Variants in BOLA3 observed in about 807,000 individuals in gnomAD.
The protein encoded by BOLA3 is bolA family member 3, also known as bolA-like protein 3.
In BOLA3, 8 loss-of-function variants were observed where a neutral mutation model predicts 14.5. The observed-to-expected ratio is 0.55, with a 90% confidence interval of 0.32 to 0.99. The LOEUF (loss-of-function observed/expected upper bound fraction) is 0.99, where lower values mean the gene tolerates loss of function less well. Ranked by LOEUF, BOLA3 falls within the 50% of genes least tolerant of loss-of-function variation. The pLI, the probability that BOLA3 is intolerant of heterozygous loss-of-function variation, is 0.04. For missense variants in BOLA3, 115 were observed against 138.2 expected, an observed-to-expected ratio of 0.83 and a Z score of 0.84; for synonymous variants, 42 against 45.7, an observed-to-expected ratio of 0.92 and a Z score of 0.33.
intron 3 of BOLA3, among the ~76,000 whole-genome samples, chr2:74,140,228 G>A (rs966446873): frequency 6.6e-6 from 1 of 152,178 alleles, no homozygotes; most frequent in Non-Finnish European, 1.5e-5. Flanking sequence ...AGGTTGCAGT[G>A]AGCCGAGATA....
intron 1 of BOLA3, 93 bp downstream of exon 1, chr2:74,147,728 G>A (rs969577119): frequency 9.9e-5 from 130 of 1,312,030 alleles, no homozygotes; most frequent in Non-Finnish European, 1.3e-4. Context: ...CGCCCTCCGG[G>A]AGCCAGTCCT....
chr2:74,147,224 G>A (rs1217412369), intron 1 of BOLA3: 1 of 153,414 alleles, frequency 6.5e-6, no homozygotes, highest in African/African-American at 2.4e-5. Flanking sequence ...CGCAGTGGAA[G>A]AACTTCTCTT....
intron 2 of BOLA3, among the ~76,000 whole-genome samples, chr2:74,144,395 A>G (rs1197354481): frequency 6.6e-6 from 1 of 152,220 alleles, no homozygotes; most frequent in African/African-American, 2.4e-5. Flanking sequence ...TGGAAATGTT[A>G]TGTTCTCAGT....
chr2:74,135,742 G>A, intron 3 of BOLA3, 84 bp from the exon 4 acceptor site: 1 of 1,019,986 alleles, frequency 9.8e-7, no homozygotes, highest in Non-Finnish European at 1.5e-6. Flanking sequence ...ATACAGCTCT[G>A]CATCTGAAGG....
At chr2:74,147,414 T>C in intron 1 of BOLA3, 1 of 276,140 alleles carries the variant, frequency 3.6e-6, no homozygotes, top group Non-Finnish European at 6.9e-6. Context: ...AGGATCAAGG[T>C]CAGAGGCCCA....
At chr2:74,143,753 C>A (rs1692490021) in intron 2 of BOLA3, among the ~76,000 whole-genome samples, 2 of 151,972 alleles carry the variant, frequency 1.3e-5, no homozygotes, top group South Asian at 4.1e-4. Flanking sequence ...GTGGTGCAAT[C>A]TCAGCTCACT....
chr2:74,138,665 C>T (rs1157238543), intron 3 of BOLA3, among the ~76,000 whole-genome samples: 1 of 152,208 alleles, frequency 6.6e-6, no homozygotes, highest in Non-Finnish European at 1.5e-5. Context: ...GGATTCTGGG[C>T]AACCAGGGGA....
At chr2:74,146,430 T>A (rs1224067451) in intron 1 of BOLA3, 1 of 152,394 alleles carries the variant, frequency 6.6e-6, no homozygotes, top group Non-Finnish European at 1.5e-5. Context: ...AGGCCTTGAA[T>A]GCCAGGCTAA....
At chr2:74,147,065 C>G (rs1002340956) in intron 1 of BOLA3, 1 of 152,354 alleles carries the variant, frequency 6.6e-6, no homozygotes, top group Non-Finnish European at 1.5e-5. Flanking sequence ...AGATGGCAGA[C>G]AGAATCGGCA....
chr2:74,145,144 C>G lies in BOLA3; in HGVS notation c.169+45G>C. The G allele has an allele frequency of 2.6e-6, 3 of 1,154,610 alleles. No homozygotes were observed. In the East Asian group the frequency reaches 7.0e-5, roughly 27 times the overall value. 71.5% of individuals were successfully genotyped at this position (1,154,610 alleles called of 1,614,324 possible). On this transcript the variant is annotated intron_variant, in intron 2 of 3. Coordinates refer to ENST00000327428, the MANE Select transcript of BOLA3 (RefSeq NM_212552.3). ...CCTGACCCTCTGTCCTTCCAAAGGG[C>G]AAAATCTTATCCAAGCGCCGTAGGA...
In BOLA3 at chr2:74,140,008, G is replaced by T. The variant is rs148939809; in HGVS notation, c.258+2264C>A. 6.8e-4 allele frequency among the ~76,000 whole-genome samples: 104 copies of T among 152,328 alleles called. 1 individual carries two copies. The East Asian group carries it at 0.016, about 23-fold the overall frequency. ...TAAAAATGTATATTTTTAAGGTTGG[G>T]CATGGTGGCTCATGCCTGTAATCCC... On this transcript the variant is annotated intron_variant, in intron 3 of 3. Transcript: ENST00000327428.
At chr2:74,138,592 T>A (rs1201367521) in intron 3 of BOLA3, among the ~76,000 whole-genome samples, 1 of 152,214 alleles carries the variant, frequency 6.6e-6, no homozygotes, top group East Asian at 1.9e-4. Context: ...GGTAGGCACA[T>A]GTCAGGGAGA....
chr2:74,138,703 A>G (rs1329420824), intron 3 of BOLA3, among the ~76,000 whole-genome samples: 1 of 152,200 alleles, frequency 6.6e-6, no homozygotes, highest in Non-Finnish European at 1.5e-5. Flanking sequence ...AGCAGGGGAA[A>G]GACATTGGTG....
intron 2 of BOLA3, among the ~76,000 whole-genome samples, chr2:74,142,955 G>T (rs1260473843): frequency 6.6e-6 from 1 of 152,178 alleles, no homozygotes. Flanking sequence ...GAACTTTTTG[G>T]TGAAGCCCTC....
chr2:74,136,508 T>C (rs1250905202), intron 3 of BOLA3, among the ~76,000 whole-genome samples: 1 of 152,220 alleles, frequency 6.6e-6, no homozygotes, highest in African/African-American at 2.4e-5. Context: ...TAGTATATTT[T>C]ATGTGTGGCC....
chr2:74,139,129 C>T (rs551904215), intron 3 of BOLA3, among the ~76,000 whole-genome samples: 1 of 152,242 alleles, frequency 6.6e-6, no homozygotes, highest in East Asian at 1.9e-4. Context: ...GAGTCCATTC[C>T]TGAGGGTGCC....
intron 3 of BOLA3, among the ~76,000 whole-genome samples, chr2:74,136,031 A>G (rs187365784): frequency 6.6e-4 from 100 of 150,606 alleles, no homozygotes; most frequent in African/African-American, 1.1e-3. Context: ...CTTACTGCAA[A>G]CTCCACCTCC....
chr2:74,143,046 A>C (rs1235154715), intron 2 of BOLA3, among the ~76,000 whole-genome samples: 1 of 152,222 alleles, frequency 6.6e-6, no homozygotes, highest in African/African-American at 2.4e-5. Context: ...ATGACTGATG[A>C]TAAACACACA....
rs116261277 is a variant in BOLA3, at chr2:74,142,738, C to T, written c.170-378G>A. Among the ~76,000 whole-genome samples, 463 of 152,320 alleles carry T rather than the reference C, an allele frequency of 3.0e-3. 1 individual carries two copies. The highest frequency in any genetic ancestry group is 5.1e-3 in the Non-Finnish European group (348 of 68,026). The stretch of plus-strand genomic sequence containing the variant: ...TTTCAGCGTTCCAGCTTCCAAAGGA[C>T]CAACAATCAGTGTTTTTGAAGTGCA... On this transcript the variant is annotated intron_variant, in intron 2 of 3. Transcript: ENST00000327428.
Sources: allele counts gnomAD v4.1 joint callset (sites outside exome capture counted in the v4.1 genomes callset), GRCh38; gene constraint gnomAD v4.1.1; transcripts MANE v1.5; gene names NCBI Gene and HGNC (gene_info 2026-07-23, HGNC 2026-07-21).